The following ATP8A2 variants were observed in gnomAD, a reference collection of about 807,000 sequenced individuals.
ATP8A2 encodes ATPase phospholipid transporting 8A2, also known as phospholipid-transporting ATPase IB.
A neutral mutation model predicts 165.6 loss-of-function variants in ATP8A2; 100 were observed. The observed-to-expected ratio is 0.60, with a 90% CI of 0.51 to 0.71. The LOEUF (loss-of-function observed/expected upper bound fraction) is 0.71. Ranked by LOEUF, ATP8A2 falls within the 30% of genes least tolerant of loss-of-function variation. ATP8A2 has a pLI of 0.00. For missense variants in ATP8A2, 1,227 were observed against 1,479.5 expected (o/e 0.83, Z 2.80); for synonymous variants, 543 against 548.8 (o/e 0.99, Z 0.15).
chr13:25,611,098 C>T (rs1393536253), intron 24 of ATP8A2, among the ~76,000 whole-genome samples: 1 of 152,026 alleles, frequency 6.6e-6, no homozygotes, highest in Non-Finnish European at 1.5e-5. Context: ...CAAACAGTGA[C>T]AGTTTGACTT....
Position 26,007,530 on chromosome 13 carries a change from G to A in ATP8A2, c.3378-5001G>A, listed in dbSNP as rs146725487. Among the ~76,000 whole-genome samples, 947 of 152,346 alleles carry A rather than the reference G, an allele frequency of 6.2e-3. 5 individuals are homozygous for A. The highest frequency in any genetic ancestry group is 0.027 in the Middle Eastern group (8 of 294). ...TGTTCTGTAGACATGGTGTTTTCCA[G>A]TAGTTGGTTCAGTGAAATAACAGAT... is the stretch of plus-strand genomic sequence containing the variant. On this transcript the variant is annotated intron_variant, in intron 35 of 36. Coordinates refer to ENST00000381655, the MANE Select transcript of ATP8A2 (RefSeq NM_016529.6).
chr13:25,802,525 T>G (rs1161622867), intron 27 of ATP8A2, among the ~76,000 whole-genome samples: 5 of 152,234 alleles, frequency 3.3e-5, no homozygotes, highest in African/African-American at 1.2e-4. Context: ...ACATGTTCAC[T>G]GTGCTTGAGA....
At chr13:25,613,828 C>T (rs1321325080) in intron 24 of ATP8A2, among the ~76,000 whole-genome samples, 1 of 151,982 alleles carries the variant, frequency 6.6e-6, no homozygotes, top group Non-Finnish European at 1.5e-5. Flanking sequence ...TGAGAGATTC[C>T]AGTGTGTTTT....
chr13:25,496,787 T>C (rs1424554487), intron 2 of ATP8A2, among the ~76,000 whole-genome samples: 1 of 152,216 alleles, frequency 6.6e-6, no homozygotes, highest in African/African-American at 2.4e-5. Flanking sequence ...TTGACCTTTG[T>C]ATGCAGGTCA....
chr13:25,556,195 T>C (rs1461905406), intron 13 of ATP8A2, among the ~76,000 whole-genome samples: 1 of 152,240 alleles, frequency 6.6e-6, no homozygotes, highest in African/African-American at 2.4e-5. Flanking sequence ...TTCATACTGC[T>C]TTCCACAGTG....
At chr13:25,824,630 T>G (rs1951268412) in intron 27 of ATP8A2, among the ~76,000 whole-genome samples, 1 of 152,220 alleles carries the variant, frequency 6.6e-6, no homozygotes, top group Non-Finnish European at 1.5e-5. Context: ...TTGCTGTTGT[T>G]TCTTTCCCTT....
chr13:25,702,542 T>C (rs1402816007), intron 25 of ATP8A2, among the ~76,000 whole-genome samples: 2 of 152,230 alleles, frequency 1.3e-5, no homozygotes, highest in African/African-American at 2.4e-5. Flanking sequence ...AAGGTTTTTA[T>C]TGTGGGCTTG....
intron 28 of ATP8A2, among the ~76,000 whole-genome samples, chr13:25,834,705 C>T (rs1170852689): frequency 6.6e-6 from 1 of 152,174 alleles, no homozygotes; most frequent in Non-Finnish European, 1.5e-5. Flanking sequence ...GACAGGGTCT[C>T]ACTCTGTGGC....
chr13:25,975,443 G>A (rs1240141504), intron 35 of ATP8A2, among the ~76,000 whole-genome samples: 3 of 151,884 alleles, frequency 2.0e-5, no homozygotes, highest in Admixed American at 6.6e-5. Context: ...TTAGCCGGGT[G>A]TGGTGGCGGG....
At chr13:25,678,380 G>T (rs192845568) in intron 24 of ATP8A2, among the ~76,000 whole-genome samples, 128 of 151,850 alleles carry the variant, frequency 8.4e-4, no homozygotes, top group African/African-American at 2.8e-3. Context: ...ATATGGCCGG[G>T]AGTATTGCTG....
At chr13:25,866,526 T>A (rs1050742547) in intron 33 of ATP8A2, among the ~76,000 whole-genome samples, 4 of 152,214 alleles carry the variant, frequency 2.6e-5, no homozygotes, top group African/African-American at 9.6e-5. Flanking sequence ...GTAAGGTCTA[T>A]TGACCACCTG....
intron 27 of ATP8A2, among the ~76,000 whole-genome samples, chr13:25,800,562 C>A (rs763002937): frequency 6.6e-5 from 10 of 152,138 alleles, no homozygotes; most frequent in Non-Finnish European, 1.5e-4. Context: ...TGGCAGGCTC[C>A]TGGACACCTG....
Position 25,581,884 on chromosome 13 carries a change from C to T in ATP8A2, c.2073C>T (p.Ile691=), listed in dbSNP as rs201825225. ...DRLQAGVPET[I]ATLLKAEIKI... ...TTCAAGCAGGAGTTCCAGAAACCAT[C>T]GCAACACTGTTGAAGGCAGAAATTA... Residue 691 remains isoleucine, a synonymous_variant, in exon 23 of 37, where the codon ATC becomes ATT. Coordinates refer to ENST00000381655, the MANE Select transcript of ATP8A2 (RefSeq NM_016529.6). 246 of 1,613,642 alleles carry T rather than the reference C, an allele frequency of 1.5e-4. No homozygotes were observed. Among genetic ancestry groups the T allele is most frequent in the Non-Finnish European group, 2.0e-4 (231 of 1,179,752 alleles).
rs558163833 is a variant in ATP8A2, at chr13:25,871,497, G to A, written c.3183+9089G>A. 1.3e-4 allele frequency among the ~76,000 whole-genome samples: 20 copies of A among 152,280 alleles called. No homozygotes were observed. In the East Asian group the frequency reaches 2.5e-3, roughly 19 times the overall value. On this transcript the variant is annotated intron_variant, in intron 33 of 36. Coordinates refer to ENST00000381655, the MANE Select transcript of ATP8A2 (RefSeq NM_016529.6). ...GTGCCAGAGAAAGGCCACCAAGTCCGGTTATGCAAGAAAACATGACCACGG... is the reference window on the plus strand; with the variant it reads ...GTGCCAGAGAAAGGCCACCAAGTCCAGTTATGCAAGAAAACATGACCACGG...
intron 35 of ATP8A2, among the ~76,000 whole-genome samples, chr13:25,976,426 G>C (rs1014410426): frequency 3.3e-5 from 5 of 152,080 alleles, no homozygotes; most frequent in Non-Finnish European, 5.9e-5. Flanking sequence ...TCTTACTTCA[G>C]GCCTCTTTCC....
At chr13:25,691,292 G>T in intron 24 of ATP8A2, among the ~76,000 whole-genome samples, 1 of 152,124 alleles carries the variant, frequency 6.6e-6, no homozygotes, top group East Asian at 1.9e-4. Context: ...CTGTACCTTT[G>T]GCAAAACTTG....
intron 24 of ATP8A2, among the ~76,000 whole-genome samples, chr13:25,621,285 A>C (rs1359392115): frequency 6.6e-6 from 1 of 152,220 alleles, no homozygotes; most frequent in East Asian, 1.9e-4. Context: ...TAAGTGTGTT[A>C]AGTGTCAGAT....
At chr13:25,708,781 A>C (rs762862504) in intron 25 of ATP8A2, among the ~76,000 whole-genome samples, 11 of 152,200 alleles carry the variant, frequency 7.2e-5, no homozygotes, top group Admixed American at 3.3e-4. Context: ...CAAATGACAA[A>C]GAGGAATGTT....
intron 1 of ATP8A2, among the ~76,000 whole-genome samples, chr13:25,423,299 T>A (rs2034351478): frequency 6.6e-6 from 1 of 152,246 alleles, no homozygotes; most frequent in Non-Finnish European, 1.5e-5. Context: ...CTTTCCTTAT[T>A]TGTATATGTC....
Sources: allele counts gnomAD v4.1 joint callset (sites outside exome capture counted in the v4.1 genomes callset), GRCh38; gene constraint gnomAD v4.1.1; transcripts MANE v1.5; gene names NCBI Gene and HGNC (gene_info 2026-07-23, HGNC 2026-07-21).